Variants in IFT88 observed in about 807,000 individuals in gnomAD.
IFT88 encodes the protein intraflagellar transport 88.
In IFT88, 74 loss-of-function variants were observed where a neutral mutation model predicts 119.5. The ratio of observed to expected loss-of-function variants is 0.62; its 90% CI spans 0.51 to 0.75. The LOEUF is 0.75. Ranked by LOEUF, IFT88 falls within the 30% of genes least tolerant of loss-of-function variation. The pLI, the probability that IFT88 is intolerant of heterozygous loss-of-function variation, is 0.00. For synonymous variants in IFT88, 279 were observed against 316.7 expected (o/e 0.88, Z 1.26); for missense variants, 961 against 977.7 (o/e 0.98, Z 0.23).
intron 15 of IFT88, among the ~76,000 whole-genome samples, chr13:20,629,835 T>C (rs1484093029): frequency 2.0e-5 from 3 of 152,202 alleles, no homozygotes; most frequent in African/African-American, 7.2e-5. Flanking sequence ...CATCTTCTAA[T>C]CAGTAAATAT....
chr13:20,647,948 A>G (rs1192210791), intron 20 of IFT88, among the ~76,000 whole-genome samples: 4 of 152,210 alleles, frequency 2.6e-5, no homozygotes, highest in Non-Finnish European at 5.9e-5. Flanking sequence ...CAGCAACAAG[A>G]GAAAAGTGGC....
chr13:20,639,530 T>A (rs1375275637), intron 17 of IFT88, among the ~76,000 whole-genome samples: 1 of 152,146 alleles, frequency 6.6e-6, no homozygotes, highest in Non-Finnish European at 1.5e-5. Flanking sequence ...TTAGGTGGAG[T>A]CTGGGAGAGC....
chr13:20,604,118 T>G (rs543299319), intron 12 of IFT88, among the ~76,000 whole-genome samples: 50 of 152,212 alleles, frequency 3.3e-4, no homozygotes, highest in Non-Finnish European at 5.7e-4. Context: ...GGCACATGTC[T>G]GTAGTCCCAC....
rs118041725 is a variant in IFT88, at chr13:20,671,548, A to G, written c.2242+509A>G. Among the ~76,000 whole-genome samples the G allele has an allele frequency of 7.9e-5, 12 of 152,266 alleles. No individual in the cohort carries two copies. In the East Asian group the frequency reaches 2.3e-3, roughly 29 times the overall value. On this transcript the variant is annotated intron_variant, in intron 24 of 25. Coordinates refer to ENST00000351808, the MANE Select transcript of IFT88 (RefSeq NM_006531.5). ...TCTTTGGACCAACCACATAAATGCT[A>G]TAGGCTTTTGGTGATTTCTGAAGTT...
intron 20 of IFT88, among the ~76,000 whole-genome samples, chr13:20,646,134 T>A (rs1355593231): frequency 6.6e-6 from 1 of 152,162 alleles, no homozygotes; most frequent in East Asian, 1.9e-4. Context: ...GTCAGTCCCT[T>A]ACCTTACCTA....
chr13:20,582,601 A>G (rs9506522), intron 2 of IFT88, among the ~76,000 whole-genome samples: 149 of 152,148 alleles, frequency 9.8e-4, no homozygotes, highest in African/African-American at 3.4e-3. Flanking sequence ...GAGAGAGAGA[A>G]AGAGAGATGT....
chr13:20,678,181 T>G (rs2056909200), intron 24 of IFT88, among the ~76,000 whole-genome samples: 1 of 152,162 alleles, frequency 6.6e-6, no homozygotes, highest in Admixed American at 6.5e-5. Context: ...GAAGAGGATA[T>G]AAACTATTCT....
At chr13:20,637,723 G>A (rs1355360792) in intron 16 of IFT88, among the ~76,000 whole-genome samples, 1 of 152,196 alleles carries the variant, frequency 6.6e-6, no homozygotes, top group African/African-American at 2.4e-5. Context: ...CTGCATTCCA[G>A]ATGTCACACA....
At chr13:20,668,907 G>T (rs1440827293) in intron 23 of IFT88, among the ~76,000 whole-genome samples, 2 of 152,196 alleles carry the variant, frequency 1.3e-5, no homozygotes, top group Non-Finnish European at 2.9e-5. Context: ...GACAAAAAGT[G>T]GTGTCTACGA....
rs377601043 is a variant in IFT88, at chr13:20,597,771, T to TATATA, written c.594+652_594+653insATATA. ...AAAAAAAAAATATATATATATATATTTTTTTTTTGATAACTTGGTAAGTAC... is the reference window on the plus strand; with the variant it reads ...AAAAAAAAAATATATATATATATATTATATATTTTTTTTGATAACTTGGTAAGTAC... On this transcript the variant is annotated intron_variant, in intron 9 of 25. Coordinates refer to ENST00000351808, the MANE Select transcript of IFT88 (RefSeq NM_006531.5). 3.5e-3 allele frequency among the ~76,000 whole-genome samples: 497 copies of TATATA among 142,006 alleles called. 2 individuals carry two copies. The highest frequency in any genetic ancestry group is 7.6e-3 in the Middle Eastern group (2 of 264). The allele number at this position is 142,006 out of a possible 152,430, so 93.2% of individuals were successfully genotyped here.
Position 20,691,038 on chromosome 13 carries a change from T to A in IFT88, c.2354-16T>A. ...TGTTTACATAACTCTAACGTGACAATCTCTTCGAAACCTAGATGCCTCCTA... is the reference window on the plus strand; with the variant it reads ...TGTTTACATAACTCTAACGTGACAAACTCTTCGAAACCTAGATGCCTCCTA... On this transcript the variant is annotated splice_polypyrimidine_tract_variant and intron_variant, in intron 25 of 25. Coordinates refer to ENST00000351808, the MANE Select transcript of IFT88 (RefSeq NM_006531.5). 1 of 1,610,006 alleles carries A rather than the reference T, an allele frequency of 6.2e-7. No individual in the cohort carries two copies. Among genetic ancestry groups the A allele is most frequent in the Non-Finnish European group, 8.5e-7 (1 of 1,178,730 alleles).
intron 14 of IFT88, among the ~76,000 whole-genome samples, chr13:20,616,796 A>G (rs1356909156): frequency 1.3e-5 from 2 of 152,226 alleles, no homozygotes; most frequent in African/African-American, 2.4e-5. Context: ...GTTTACACCA[A>G]CATCACCACA....
chr13:20,645,111 C>T (rs751343908), intron 20 of IFT88, among the ~76,000 whole-genome samples, 153 bp downstream of exon 20: 4 of 152,070 alleles, frequency 2.6e-5, no homozygotes, highest in South Asian at 4.1e-4. Flanking sequence ...TTGTTTGAGA[C>T]GGAGTTTCGC....
At position 20,643,618 on chromosome 13, in the gene IFT88, T is replaced by C. The variant is rs760813073; in HGVS notation, c.1833+13T>C. The C allele has an allele frequency of 7.7e-6, 12 of 1,561,262 alleles. No individual in the cohort carries two copies. In the African/African-American group the frequency reaches 1.4e-4, roughly 18 times the overall value. ...ATATTACTATGAGGTAGGTGTGTTATCTTAATTTCCTTCTGTGTTTTAGCA... is the reference window on the plus strand; with the variant it reads ...ATATTACTATGAGGTAGGTGTGTTACCTTAATTTCCTTCTGTGTTTTAGCA... On this transcript the variant is annotated intron_variant, in intron 19 of 25. Transcript: ENST00000351808.
At chr13:20,617,741 A>C (rs2045864159) in intron 14 of IFT88, among the ~76,000 whole-genome samples, 1 of 152,172 alleles carries the variant, frequency 6.6e-6, no homozygotes, top group South Asian at 2.1e-4. Context: ...TCATTACTGG[A>C]ATGAGACTTC....
rs559752637 is a variant in IFT88 at position 20,589,662 on chromosome 13, C to T, written c.154-149C>T. On this transcript the variant is annotated intron_variant, in intron 3 of 25. Transcript: ENST00000351808. ...CACATAATTAAAATACCTGAGCTCC[C>T]TAATATTTAAGATAATTTAAAAGAA... 2.0e-4 allele frequency: 73 copies of T among 365,600 alleles called. No homozygotes were observed. In the East Asian group the frequency reaches 2.7e-3, roughly 14 times the overall value. 22.6% of individuals were successfully genotyped at this position (365,600 alleles called of 1,614,324 possible).
chr13:20,579,869 C>T (rs186411353), intron 2 of IFT88, among the ~76,000 whole-genome samples: 82 of 152,258 alleles, frequency 5.4e-4, no homozygotes, highest in African/African-American at 1.8e-3. Flanking sequence ...TCAGCAGTGA[C>T]GAATCCTGCC....
chr13:20,673,896 G>A (rs2056277915), intron 24 of IFT88, among the ~76,000 whole-genome samples: 1 of 152,172 alleles, frequency 6.6e-6, no homozygotes, highest in Non-Finnish European at 1.5e-5. Context: ...TACAAGCAGG[G>A]TTGCGTGTTA....
intron 16 of IFT88, among the ~76,000 whole-genome samples, chr13:20,633,890 C>CT (rs2048599922): frequency 6.6e-6 from 1 of 152,166 alleles, no homozygotes; most frequent in South Asian, 2.1e-4. Context: ...ACCGTAGTGG[C>CT]TTGAAATCAC....
Sources: gnomAD v4.1 joint callset for allele counts (sites outside exome capture counted in the v4.1 genomes callset) on GRCh38, gnomAD v4.1.1 for gene constraint, MANE v1.5 for transcripts, NCBI Gene and HGNC (gene_info 2026-07-23, HGNC 2026-07-21) for gene names.